The following GALNTL6 variants were observed in gnomAD, a reference collection of about 807,000 sequenced individuals.
The protein encoded by GALNTL6 is polypeptide N-acetylgalactosaminyltransferase like 6.
In GALNTL6, 46 loss-of-function variants were observed where a neutral mutation model predicts 73.7. That is an observed-to-expected ratio of 0.62 (90% CI 0.49 to 0.80). The LOEUF (loss-of-function observed/expected upper bound fraction) is 0.80, where lower values mean the gene tolerates loss of function less well. Among genes scored for constraint, GALNTL6 ranks in the 30% least tolerant of loss-of-function variants. The probability of loss-of-function intolerance (pLI) is 0.00; values close to 1 mark genes in which losing one functional copy is unlikely to be tolerated. For synonymous variants in GALNTL6, 259 were observed against 263.7 expected (o/e 0.98, Z 0.17); for missense variants, 604 against 755.0 (o/e 0.80, Z 2.34).
chr4:172,814,347 C>A (rs1030872723), intron 7 of GALNTL6, among the ~76,000 whole-genome samples: 2 of 152,026 alleles, frequency 1.3e-5, no homozygotes, highest in African/African-American at 4.8e-5. Flanking sequence ...CAAACGACAT[C>A]CTGTTTTTTC....
rs3083419 is a variant in GALNTL6 at position 172,528,319 on chromosome 4, AATATATATATATATATATATATATATAT to A, written c.553+179649_553+179676del. 9.4e-3 allele frequency among the ~76,000 whole-genome samples: 974 copies of A among 103,712 alleles called. 19 individuals are homozygous for A. The highest frequency in any genetic ancestry group is 0.074 in the Middle Eastern group (13 of 176). 68.0% of individuals were successfully genotyped at this position (103,712 alleles called of 152,430 possible). Reference sequence around the variant, plus strand: ...AATACATTTGGCTTGCTAGAAATAAAATATATATATATATATATATATATATATATATATATATATATATATGGTTATT... The same window carrying A: ...AATACATTTGGCTTGCTAGAAATAAAATATATATATATATATATGGTTATT... On this transcript the variant is annotated intron_variant, in intron 5 of 12. Coordinates refer to ENST00000506823, the MANE Select transcript of GALNTL6 (RefSeq NM_001034845.3).
intron 3 of GALNTL6, among the ~76,000 whole-genome samples, chr4:172,243,998 T>G (rs1037422225): frequency 2.0e-5 from 3 of 152,134 alleles, no homozygotes; most frequent in Non-Finnish European, 4.4e-5. Flanking sequence ...GGCACCCTTT[T>G]TATTACTATC....
At chr4:171,884,547 A>G (rs889907670) in intron 2 of GALNTL6, among the ~76,000 whole-genome samples, 13 of 151,584 alleles carry the variant, frequency 8.6e-5, no homozygotes, top group African/African-American at 2.4e-4. Context: ...ATATATAACT[A>G]TATATGTAGT....
chr4:172,606,594 A>ATATACATAGTATATGTATATATATACC (rs1335458789), intron 5 of GALNTL6, among the ~76,000 whole-genome samples: 1 of 134,656 alleles, frequency 7.4e-6, no homozygotes, highest in African/African-American at 2.8e-5. Context: ...ATATATATAC[A>ATATACATAGTATATGTATATATATACC]CATATATACA....
At chr4:171,989,875 G>A (rs1197520726) in intron 2 of GALNTL6, among the ~76,000 whole-genome samples, 6 of 152,176 alleles carry the variant, frequency 3.9e-5, no homozygotes, top group Admixed American at 3.9e-4. Context: ...CATATTTGAT[G>A]AAAAAGAGCC....
chr4:171,908,434 A>G (rs1288353816), intron 2 of GALNTL6, among the ~76,000 whole-genome samples: 2 of 152,180 alleles, frequency 1.3e-5, no homozygotes, highest in Non-Finnish European at 2.9e-5. Context: ...ATGCAAATCA[A>G]AACCACAGTG....
At chr4:172,009,038 C>T (rs563059794) in intron 2 of GALNTL6, among the ~76,000 whole-genome samples, 1 of 152,140 alleles carries the variant, frequency 6.6e-6, no homozygotes, top group South Asian at 2.1e-4. Flanking sequence ...TTTCCATCTT[C>T]ACTAGAAATA....
chr4:172,155,759 C>A (rs544994968), intron 2 of GALNTL6, among the ~76,000 whole-genome samples: 2 of 152,214 alleles, frequency 1.3e-5, no homozygotes, highest in South Asian at 4.2e-4. Flanking sequence ...GTTTAGATTA[C>A]TGAGATATTT....
chr4:172,829,862 T>C (rs1366108243), intron 7 of GALNTL6, among the ~76,000 whole-genome samples: 1 of 152,216 alleles, frequency 6.6e-6, no homozygotes, highest in Non-Finnish European at 1.5e-5. Context: ...ATATGGATAA[T>C]TTTAAAAGTC....
intron 5 of GALNTL6, among the ~76,000 whole-genome samples, chr4:172,577,262 G>T (rs1468707746): frequency 6.6e-6 from 1 of 152,192 alleles, no homozygotes; most frequent in South Asian, 2.1e-4. Flanking sequence ...CCATGAGAAA[G>T]TTTTTTCAAA....
rs1024815828 is a variant in GALNTL6, at chr4:172,830,381, T to C, written c.923+16658T>C. On this transcript the variant is annotated intron_variant, in intron 7 of 12. Transcript: ENST00000506823. ...ATGGGACTGCTATTGCTTGTGATGC[T>C]GAAGTGAGCCTAAAATATTAAAAAC... 2.0e-5 allele frequency among the ~76,000 whole-genome samples: 3 copies of C among 152,256 alleles called. No individual in the cohort carries two copies. The South Asian group carries it at 6.2e-4, about 32-fold the overall frequency.
In GALNTL6 at chr4:172,488,725, C is replaced by T. The variant is rs189550348; in HGVS notation, c.553+140036C>T. Among the ~76,000 whole-genome samples, 48 of 151,978 alleles carry T rather than the reference C, an allele frequency of 3.2e-4. 1 individual carries two copies. In the East Asian group the frequency reaches 7.8e-3, roughly 25 times the overall value. On this transcript the variant is annotated intron_variant, in intron 5 of 12. Transcript: ENST00000506823. ...CAATTCAGTGAGAAGGGACATAGAC[C>T]TCCAACACTTGATAGAAGCGTCAAA...
intron 2 of GALNTL6, among the ~76,000 whole-genome samples, chr4:171,838,024 C>G (rs866714827): frequency 1.3e-5 from 2 of 151,948 alleles, no homozygotes; most frequent in Non-Finnish European, 2.9e-5. Context: ...AACATTTGTG[C>G]ATGTAGTTTC....
intron 2 of GALNTL6, among the ~76,000 whole-genome samples, chr4:171,993,230 G>T (rs1740391703): frequency 6.6e-6 from 1 of 151,984 alleles, no homozygotes; most frequent in African/African-American, 2.4e-5. Context: ...TTCATATGTT[G>T]TCACATGTGC....
At chr4:172,448,938 A>G (rs1157162036) in intron 5 of GALNTL6, among the ~76,000 whole-genome samples, 1 of 152,152 alleles carries the variant, frequency 6.6e-6, no homozygotes, top group Non-Finnish European at 1.5e-5. Context: ...TTTCCCTTTT[A>G]ATAAGAAAAT....
At chr4:172,429,285 C>T (rs1731354037) in intron 5 of GALNTL6, among the ~76,000 whole-genome samples, 2 of 151,216 alleles carry the variant, frequency 1.3e-5, no homozygotes, top group South Asian at 2.1e-4. Flanking sequence ...GATCTCAGCT[C>T]GCTGCAACCT....
chr4:172,667,698 A>G (rs1416068434), intron 5 of GALNTL6: 1 of 152,204 alleles, frequency 6.6e-6, no homozygotes, highest in Non-Finnish European at 1.5e-5. Flanking sequence ...CGTTAGATTA[A>G]ATCAGCAGGG....
intron 3 of GALNTL6, among the ~76,000 whole-genome samples, chr4:172,234,179 A>T (rs1047377694): frequency 1.3e-5 from 2 of 152,090 alleles, no homozygotes; most frequent in Non-Finnish European, 2.9e-5. Flanking sequence ...GTAGACACTC[A>T]TATTTGCTAG....
chr4:172,992,128 A>G (rs573939083), intron 10 of GALNTL6, among the ~76,000 whole-genome samples: 1 of 152,246 alleles, frequency 6.6e-6, no homozygotes, highest in Non-Finnish European at 1.5e-5. Flanking sequence ...ATTTTTAAGC[A>G]TAAGCAATTT....
Sources: gnomAD v4.1 joint callset for allele counts (sites outside exome capture counted in the v4.1 genomes callset) on GRCh38, gnomAD v4.1.1 for gene constraint, MANE v1.5 for transcripts, NCBI Gene and HGNC (gene_info 2026-07-23, HGNC 2026-07-21) for gene names.